Variants in CAPN14 observed in about 807,000 individuals in gnomAD.
CAPN14 encodes calpain-14.
In CAPN14, 94 loss-of-function variants were observed where a neutral mutation model predicts 101.3. The ratio of observed to expected loss-of-function variants is 0.93; its 90% CI spans 0.79 to 1.10. The LOEUF is 1.10. CAPN14 is among the 50% of genes least tolerant of loss of function. The probability of loss-of-function intolerance (pLI) is 0.00; values close to 1 mark genes in which losing one functional copy is unlikely to be tolerated. For missense variants in CAPN14, 837 were observed against 828.4 expected (o/e 1.01, Z -0.13); for synonymous variants, 338 against 317.9 (o/e 1.06, Z -0.67).
At chr2:31,180,529 G>A (rs548762420) in intron 17 of CAPN14, among the ~76,000 whole-genome samples, 1 of 152,176 alleles carries the variant, frequency 6.6e-6, no homozygotes, top group South Asian at 2.1e-4. Flanking sequence ...GGCAGCCACC[G>A]CCCAGTTATT....
At chr2:31,227,390 C>G (rs1272049152) in intron 1 of CAPN14, among the ~76,000 whole-genome samples, 2 of 143,650 alleles carry the variant, frequency 1.4e-5, no homozygotes, top group African/African-American at 5.1e-5. Flanking sequence ...CAACTAGACT[C>G]AGACAGACCC....
chr2:31,201,579 C>G (rs1224066191), intron 5 of CAPN14, among the ~76,000 whole-genome samples: 3 of 152,198 alleles, frequency 2.0e-5, no homozygotes, highest in Admixed American at 6.5e-5. Context: ...TTGGGTGTAT[C>G]TTGCTACTCC....
chr2:31,208,573 G>T (rs546900238), intron 1 of CAPN14, among the ~76,000 whole-genome samples: 3 of 152,174 alleles, frequency 2.0e-5, no homozygotes, highest in African/African-American at 4.8e-5. Context: ...ACATGTGTGC[G>T]TGCACACACA....
intron 1 of CAPN14, among the ~76,000 whole-genome samples, chr2:31,212,969 ACT>A (rs1002733833): frequency 6.6e-6 from 1 of 152,156 alleles, no homozygotes; most frequent in African/African-American, 2.4e-5. Flanking sequence ...TTTGTACAAG[ACT>A]CTGTCTACAT....
intron 11 of CAPN14, 21 bp from the exon 12 acceptor site, chr2:31,191,428 C>CAAAAAA: frequency 7.0e-7 from 1 of 1,426,114 alleles, no homozygotes; most frequent in Admixed American, 2.6e-5. Context: ...AAAACAAAAA[C>CAAAAAA]AGAAAAAAAA....
At chr2:31,206,442 G>A (rs1682099579) in intron 1 of CAPN14, among the ~76,000 whole-genome samples, 1 of 152,300 alleles carries the variant, frequency 6.6e-6, no homozygotes, top group South Asian at 2.1e-4. Context: ...TAGCAGAGAT[G>A]GGGTTTCGCC....
At chr2:31,203,554 T>TGCAGCCTGTGATGGGGTG (rs1226298408) in intron 2 of CAPN14, among the ~76,000 whole-genome samples, 3 of 152,176 alleles carry the variant, frequency 2.0e-5, no homozygotes, top group African/African-American at 7.2e-5. Context: ...CCTGATGCGA[T>TGCAGCCTGTGATGGGGTG]GCAGCCTGTG....
intron 1 of CAPN14, among the ~76,000 whole-genome samples, chr2:31,227,880 T>C (rs372350376): frequency 6.6e-6 from 1 of 152,020 alleles, no homozygotes; most frequent in African/African-American, 2.4e-5. Flanking sequence ...GAGGTTTACG[T>C]GGGGTAGCTT....
chr2:31,173,747 C>T lies in CAPN14; in HGVS notation c.*934G>A, dbSNP rs1185568400. ...GAGGTGCTAACTTATGAATAAATTG[C>T]ATAGACTTTGGAAAAAGGCCATTGT... On this transcript the variant is annotated 3_prime_UTR_variant, in exon 22 of 22. Transcript: ENST00000403897. 6.6e-6 allele frequency: 1 copy of T among 152,114 alleles called. No individual in the cohort carries two copies. The highest frequency in any genetic ancestry group is 1.5e-5 in the Non-Finnish European group (1 of 68,028). The allele number at this position is 152,114 out of a possible 1,614,324, so 9.4% of individuals were successfully genotyped here.
chr2:31,213,799 C>A (rs1572437672), intron 1 of CAPN14, among the ~76,000 whole-genome samples: 1 of 152,178 alleles, frequency 6.6e-6, no homozygotes, highest in East Asian at 1.9e-4. Context: ...ATCAGACATT[C>A]CTGGGCAGTT....
intron 1 of CAPN14, among the ~76,000 whole-genome samples, chr2:31,209,268 T>C (rs911148714): frequency 6.6e-6 from 1 of 151,766 alleles, no homozygotes; most frequent in Non-Finnish European, 1.5e-5. Flanking sequence ...TGAACCACCG[T>C]GCCTGTCCAA....
chr2:31,180,843 G>C, intron 17 of CAPN14, 93 bp downstream of exon 17: 1 of 1,071,298 alleles, frequency 9.3e-7, no homozygotes, highest in East Asian at 2.6e-5. Flanking sequence ...CAATTAGCAA[G>C]GATTGGGGTT....
Position 31,174,497 on chromosome 2 carries a change from T to A in CAPN14, c.*184A>T, listed in dbSNP as rs1039832828. On this transcript the variant is annotated 3_prime_UTR_variant, in exon 22 of 22. Coordinates refer to ENST00000403897, the MANE Select transcript of CAPN14 (RefSeq NM_001145122.2). Reference sequence around the variant, plus strand: ...TGTAATCTTTACTTCCTCCCTTCCCTTTCTGCATGCTGGCCATGCACGGGG... The same window carrying A: ...TGTAATCTTTACTTCCTCCCTTCCCATTCTGCATGCTGGCCATGCACGGGG... The A allele has an allele frequency of 6.4e-6, 4 of 629,462 alleles. No homozygotes were observed. In the African/African-American group the frequency reaches 7.3e-5, roughly 12 times the overall value. 39.0% of individuals were successfully genotyped at this position (629,462 alleles called of 1,614,324 possible).
intron 18 of CAPN14, 45 bp downstream of exon 18, chr2:31,178,466 T>TCCTACA: frequency 6.9e-7 from 1 of 1,439,112 alleles, no homozygotes; most frequent in Non-Finnish European, 9.6e-7. Context: ...GAACTGCCAT[T>TCCTACA]CCTACACCAT....
intron 14 of CAPN14, 85 bp downstream of exon 14, chr2:31,188,233 C>G (rs769604209): frequency 5.8e-6 from 7 of 1,205,534 alleles, no homozygotes; most frequent in Non-Finnish European, 6.0e-6. Flanking sequence ...ATCTCCTCCC[C>G]TGACTCCTTA....
At chr2:31,226,378 A>T (rs1683022920) in intron 2 of CAPN14, 2 of 152,186 alleles carry the variant, frequency 1.3e-5, no homozygotes, top group African/African-American at 4.8e-5. Flanking sequence ...TCACATTTCT[A>T]ATCTTTGTTT....
chr2:31,197,151 A>G, intron 8 of CAPN14, 98 bp downstream of exon 8: 1 of 801,294 alleles, frequency 1.2e-6, no homozygotes, highest in East Asian at 2.7e-5. Context: ...ATCCAGCCTA[A>G]GACCAAAGAA....
At chr2:31,185,108 C>T (rs1157619825) in intron 16 of CAPN14, among the ~76,000 whole-genome samples, 1 of 152,198 alleles carries the variant, frequency 6.6e-6, no homozygotes, top group Non-Finnish European at 1.5e-5. Context: ...AATGATTTCT[C>T]CCAGCTTTGT....
rs1680330710 is a variant in CAPN14 at position 31,177,007 on chromosome 2, C to T, written c.1972+19G>A. 1 of 1,529,918 alleles carries T rather than the reference C, an allele frequency of 6.5e-7. No homozygotes were observed. Among genetic ancestry groups the T allele is most frequent in the Non-Finnish European group, 8.9e-7 (1 of 1,127,920 alleles). 94.8% of individuals were successfully genotyped at this position (1,529,918 alleles called of 1,614,324 possible). On this transcript the variant is annotated intron_variant, in intron 20 of 21. Coordinates refer to ENST00000403897, the MANE Select transcript of CAPN14 (RefSeq NM_001145122.2). ...CAGCAGAGGAAGACCTGGCCCTCCCCAGCTTCCCGCCAGCTTACCCTCCAT... is the reference window on the plus strand; with the variant it reads ...CAGCAGAGGAAGACCTGGCCCTCCCTAGCTTCCCGCCAGCTTACCCTCCAT...
Sources: gnomAD v4.1 joint callset for allele counts (sites outside exome capture counted in the v4.1 genomes callset) on GRCh38, gnomAD v4.1.1 for gene constraint, MANE v1.5 for transcripts, NCBI Gene and HGNC (gene_info 2026-07-23, HGNC 2026-07-21) for gene names.